Variants in TIAM2 observed in about 807,000 individuals in gnomAD.
The protein encoded by TIAM2 is TIAM Rac1 associated GEF 2, also known as rho guanine nucleotide exchange factor TIAM2.
In TIAM2, 80 loss-of-function variants were observed where a neutral mutation model predicts 152.9. The observed-to-expected ratio is 0.52, with a 90% CI of 0.44 to 0.63. The LOEUF is 0.63. Among genes scored for constraint, TIAM2 ranks in the 30% least tolerant of loss-of-function variants. The probability of loss-of-function intolerance (pLI) is 0.00; values close to 1 mark genes in which losing one functional copy is unlikely to be tolerated. For synonymous variants in TIAM2, 804 were observed against 838.0 expected (o/e 0.96, Z 0.70); for missense variants, 1,965 against 2,120.1 (o/e 0.93, Z 1.44).
At chr6:155,001,328 G>T (rs1562286215) in intron 1 of TIAM2, among the ~76,000 whole-genome samples, 1 of 152,160 alleles carries the variant, frequency 6.6e-6, no homozygotes, top group Admixed American at 6.6e-5. Context: ...TTTGAATCCA[G>T]GTCTGTCTGA....
chr6:155,110,398 G>T (rs1403074215), intron 2 of TIAM2, among the ~76,000 whole-genome samples: 1 of 142,812 alleles, frequency 7.0e-6, no homozygotes, highest in East Asian at 2.0e-4. Flanking sequence ...GTGTTGGTTT[G>T]GTTTACCTGT....
rs750622125 is a variant in TIAM2, at chr6:155,130,405, A to G, written c.1182A>G (p.Lys394=). The G allele has an allele frequency of 6.2e-7, 1 of 1,613,302 alleles. No homozygotes were observed. The highest frequency in any genetic ancestry group is 2.2e-5 in the East Asian group (1 of 44,872). Residue 394 remains lysine (K), a synonymous_variant, in exon 4 of 27, where the codon AAA becomes AAG. Coordinates refer to ENST00000682666, the MANE Select transcript of TIAM2 (RefSeq NM_012454.4). ...GGACGGGAAGCCTCTCAAGGAAGAA[A>G]AGGAAACTCCAGGTGAGCATACCTT... is the stretch of plus-strand genomic sequence containing the variant. ...SDWTGSLSRK[K]RKLQEPRSKE... is the part of the protein sequence containing the mutation.
chr6:155,176,113 G>T (rs1780752611), intron 9 of TIAM2, among the ~76,000 whole-genome samples: 1 of 152,226 alleles, frequency 6.6e-6, no homozygotes, highest in African/African-American at 2.4e-5. Context: ...GGTGTGTCTG[G>T]AATTCAGTGG....
At chr6:155,204,901 G>A (rs1781559345) in intron 14 of TIAM2, among the ~76,000 whole-genome samples, 2 of 152,058 alleles carry the variant, frequency 1.3e-5, no homozygotes, top group South Asian at 4.2e-4. Flanking sequence ...CAGTGTCAAG[G>A]TGCCATTAGG....
chr6:155,029,442 ACTATAG>A (rs1776753896), intron 1 of TIAM2, among the ~76,000 whole-genome samples: 1 of 2,922 alleles, frequency 3.4e-4, no homozygotes, highest in South Asian at 0.015. Flanking sequence ...TATATATTAT[ACTATAG>A]TATATATTAT....
At chr6:155,154,954 G>A (rs980107087) in intron 7 of TIAM2, among the ~76,000 whole-genome samples, 5 of 152,170 alleles carry the variant, frequency 3.3e-5, no homozygotes, top group Non-Finnish European at 5.9e-5. Context: ...AGGAAAATAC[G>A]AGGATACTGT....
chr6:155,231,380 CTT>C (rs1782465711), intron 15 of TIAM2, among the ~76,000 whole-genome samples: 1 of 152,320 alleles, frequency 6.6e-6, no homozygotes, highest in African/African-American at 2.4e-5. Context: ...TTTCTTCCTC[CTT>C]TTTGTACCAT....
chr6:155,247,865 T>C (rs1482570193), intron 19 of TIAM2, 135 bp from the exon 20 acceptor site: 1 of 1,092,334 alleles, frequency 9.2e-7, no homozygotes, highest in African/African-American at 1.6e-5. Context: ...GACCCACTGA[T>C]GTGTTGGGGT....
At chr6:155,115,830 A>G (rs1751322133) in intron 2 of TIAM2, among the ~76,000 whole-genome samples, 1 of 152,138 alleles carries the variant, frequency 6.6e-6, no homozygotes, top group South Asian at 2.1e-4. Flanking sequence ...AGCATTAAGA[A>G]AGGATTGGTC....
chr6:155,154,821 G>A (rs1277076419), intron 7 of TIAM2, among the ~76,000 whole-genome samples: 2 of 152,132 alleles, frequency 1.3e-5, no homozygotes, highest in Admixed American at 6.5e-5. Flanking sequence ...ACTGCTCTGG[G>A]TTTTATGAAA....
rs765919762 is a variant in TIAM2 at position 155,148,087 on chromosome 6, G to A, written c.1804-23G>A. The A allele has an allele frequency of 3.1e-6, 5 of 1,611,888 alleles. No individual in the cohort carries two copies. The African/African-American group carries it at 5.3e-5, about 17-fold the overall frequency. ...TTAGTGGTAAAATGATTCGAAACAG[G>A]CTTTCTCCCTCCCTGTGTGTAGGCC... On this transcript the variant is annotated intron_variant, in intron 6 of 26. Coordinates refer to ENST00000682666, the MANE Select transcript of TIAM2 (RefSeq NM_012454.4).
intron 6 of TIAM2, among the ~76,000 whole-genome samples, chr6:155,146,263 C>T (rs1187260931): frequency 6.6e-6 from 1 of 152,104 alleles, no homozygotes; most frequent in African/African-American, 2.4e-5. Flanking sequence ...CACCTGTGGT[C>T]CCAGCTACTT....
In TIAM2 at chr6:155,257,452, A is replaced by G; in HGVS notation, c.*331A>G. 1 of 336,072 alleles carries G rather than the reference A, an allele frequency of 3.0e-6. No individual in the cohort carries two copies. Among genetic ancestry groups the G allele is most frequent in the Non-Finnish European group, 5.4e-6 (1 of 185,054 alleles). The allele number at this position is 336,072 out of a possible 1,614,324, so 20.8% of individuals were successfully genotyped here. On this transcript the variant is annotated 3_prime_UTR_variant, in exon 27 of 27. Transcript: ENST00000682666. ...GGAAGTCGTGATTAATAGTTTTCAA[A>G]GGGCCATTTTTTAAAATCCTCTGGG...
chr6:155,158,579 G>C (rs187126353), intron 7 of TIAM2, among the ~76,000 whole-genome samples: 6 of 151,496 alleles, frequency 4.0e-5, no homozygotes, highest in Admixed American at 2.0e-4. Context: ...TTTTGACAGG[G>C]TCTCACTCTG....
At chr6:155,221,129 AAAAAAAAAAAC>A (rs1782030868) in intron 15 of TIAM2, among the ~76,000 whole-genome samples, 1 of 123,606 alleles carries the variant, frequency 8.1e-6, no homozygotes, top group Non-Finnish European at 1.9e-5. Context: ...TTTTTTTGAA[AAAAAAAAAAAC>A]AAAAAAAAAC....
Position 155,165,394 on chromosome 6 carries a change from AC to A in TIAM2, c.2348del (p.Pro783LeufsTer3), listed in dbSNP as rs752448996. On this transcript the variant is annotated frameshift_variant, in exon 9 of 27. Coordinates refer to ENST00000682666, the MANE Select transcript of TIAM2 (RefSeq NM_012454.4). LOFTEE classifies it high-confidence loss of function. ...TLARKGKEKRPSITQVDELLH... is the reference protein window; with the variant it reads ...TLARKGKEKRXSITQVDELLH... ...TGGCCAGAAAAGGCAAGGAGAAGAG[AC>A]CTTCTATAACTCAGGTGAGCTTTTC... The A allele has an allele frequency of 6.2e-7, 1 of 1,612,396 alleles. No individual in the cohort carries two copies. Among genetic ancestry groups the A allele is most frequent in the Non-Finnish European group, 8.5e-7 (1 of 1,179,520 alleles).
intron 1 of TIAM2, among the ~76,000 whole-genome samples, chr6:155,017,799 G>A (rs1196077344): frequency 1.3e-5 from 2 of 151,994 alleles, no homozygotes; most frequent in African/African-American, 2.4e-5. Context: ...CACCACGCCT[G>A]ACTCTCCCTT....
intron 16 of TIAM2, among the ~76,000 whole-genome samples, chr6:155,243,666 G>T (rs774167446): frequency 7.2e-5 from 11 of 151,806 alleles, no homozygotes; most frequent in Non-Finnish European, 1.3e-4. Context: ...GACCAACATG[G>T]TGAAACCCTG....
At chr6:155,065,082 T>C (rs1295698337) in intron 1 of TIAM2, among the ~76,000 whole-genome samples, 1 of 152,092 alleles carries the variant, frequency 6.6e-6, no homozygotes, top group Non-Finnish European at 1.5e-5. Flanking sequence ...GCTTCCTGAG[T>C]AGCTGGGACT....
Sources: allele counts gnomAD v4.1 joint callset (sites outside exome capture counted in the v4.1 genomes callset), GRCh38; gene constraint gnomAD v4.1.1; transcripts MANE v1.5; gene names NCBI Gene and HGNC (gene_info 2026-07-23, HGNC 2026-07-21).